CUBN: variants seen among roughly 807,000 people sequenced by gnomAD.
CUBN encodes cubilin, also known as 460 kDa receptor.
In CUBN, 282 loss-of-function variants were observed where a neutral mutation model predicts 405.3. The ratio of observed to expected loss-of-function variants is 0.70; its 90% confidence interval spans 0.63 to 0.77. CUBN has a LOEUF of 0.77. Among genes scored for constraint, CUBN ranks in the 30% least tolerant of loss-of-function variants. The pLI is 0.00. For missense variants in CUBN, 4,514 were observed against 4,475.2 expected (o/e 1.01, Z -0.25); for synonymous variants, 1,684 against 1,617.0 (o/e 1.04, Z -0.99).
chr10:16,900,992 T>A, intron 52 of CUBN, 142 bp from the exon 53 acceptor site: 1 of 724,404 alleles, frequency 1.4e-6, no homozygotes, highest in Non-Finnish European at 2.3e-6. Flanking sequence ...TCCCCTCTAC[T>A]TTTTTTTCCT....
chr10:16,993,247 TAAG>T (rs2131722889), intron 28 of CUBN, among the ~76,000 whole-genome samples: 1 of 152,344 alleles, frequency 6.6e-6, no homozygotes, highest in South Asian at 2.1e-4. Flanking sequence ...ATATAAAAGA[TAAG>T]AAGGAAATGA....
At position 16,947,354 on chromosome 10, in the gene CUBN, C is replaced by T. The variant is rs375723034; in HGVS notation, c.5223G>A (p.Thr1741=). 7.2e-5 allele frequency: 117 copies of T among 1,613,966 alleles called. 1 individual carries two copies. Among genetic ancestry groups the T allele is most frequent in the South Asian group, 4.0e-4 (36 of 91,072 alleles). ...VTASVSACGG[T]FYMAEGIFNS... ...TGAAGATGCCTTCAGCCATGTAGAACGTTCCACCACAAGCTGGAAGAAAAT... is the reference window on the plus strand; with the variant it reads ...TGAAGATGCCTTCAGCCATGTAGAATGTTCCACCACAAGCTGGAAGAAAAT... Residue 1741 remains threonine (T), a synonymous_variant, in exon 36 of 67, where the codon ACG becomes ACA. Coordinates refer to ENST00000377833, the MANE Select transcript of CUBN (RefSeq NM_001081.4).
intron 36 of CUBN, among the ~76,000 whole-genome samples, chr10:16,941,135 A>G (rs1395908327): frequency 6.6e-6 from 1 of 152,210 alleles, no homozygotes; most frequent in East Asian, 1.9e-4. Flanking sequence ...TACTCAAGAT[A>G]AAGTGGTATT....
intron 13 of CUBN, among the ~76,000 whole-genome samples, chr10:17,102,270 T>TATTTATTG (rs1836511419): frequency 6.8e-6 from 1 of 147,386 alleles, no homozygotes; most frequent in Non-Finnish European, 1.5e-5. Context: ...TTTATTTATT[T>TATTTATTG]ATTTATTTAT....
At chr10:16,936,624 C>G (rs990636265) in intron 39 of CUBN, among the ~76,000 whole-genome samples, 1 of 152,192 alleles carries the variant, frequency 6.6e-6, no homozygotes, top group Non-Finnish European at 1.5e-5. Flanking sequence ...CATTCAAGGA[C>G]TTAGAATATC....
At chr10:17,079,590 C>G (rs1835925998) in intron 17 of CUBN, among the ~76,000 whole-genome samples, 1 of 152,078 alleles carries the variant, frequency 6.6e-6, no homozygotes, top group Non-Finnish European at 1.5e-5. Flanking sequence ...CCTACCCTCT[C>G]TAGAAAGATA....
chr10:17,088,409 A>G (rs1156746286), intron 14 of CUBN, 64 bp from the exon 15 acceptor site: 10 of 1,430,604 alleles, frequency 7.0e-6, no homozygotes, highest in Non-Finnish European at 9.8e-6. Context: ...GAGAATGATC[A>G]GAGCCCTTGG....
chr10:16,851,130 C>T, intron 60 of CUBN, 105 bp downstream of exon 60: 1 of 899,886 alleles, frequency 1.1e-6, no homozygotes, highest in Non-Finnish European at 1.8e-6. Context: ...AGCAGTAGCA[C>T]CTGTACTCAA....
chr10:17,115,730 A>C (rs563274065), intron 6 of CUBN, 133 bp from the exon 7 acceptor site: 633 of 1,091,302 alleles, frequency 5.8e-4, no homozygotes, highest in Non-Finnish European at 7.7e-4. Context: ...CAGCAATGCA[A>C]ATTTACTGAC....
At chr10:17,063,914 T>C (rs564658320) in intron 22 of CUBN, among the ~76,000 whole-genome samples, 1 of 151,954 alleles carries the variant, frequency 6.6e-6, no homozygotes, top group Non-Finnish European at 1.5e-5. Flanking sequence ...GCCTAGAGAG[T>C]TCAAGTGACT....
At chr10:17,089,321 A>G (rs1836198682) in intron 14 of CUBN, among the ~76,000 whole-genome samples, 1 of 152,236 alleles carries the variant, frequency 6.6e-6, no homozygotes, top group African/African-American at 2.4e-5. Flanking sequence ...AAAAGTTACC[A>G]GTTTTAAATG....
At chr10:16,874,555 G>A (rs753776358) in intron 57 of CUBN, 52 bp from the exon 58 acceptor site, 20 of 1,608,386 alleles carry the variant, frequency 1.2e-5, no homozygotes, top group Non-Finnish European at 1.7e-5. Flanking sequence ...GTCCCAGCAT[G>A]GAAAAATGAT....
intron 14 of CUBN, among the ~76,000 whole-genome samples, chr10:17,099,470 G>GT (rs1186830453): frequency 6.6e-6 from 1 of 152,130 alleles, no homozygotes; most frequent in Non-Finnish European, 1.5e-5. Flanking sequence ...TAAGACTCAT[G>GT]TTTTTTAATC....
intron 14 of CUBN, among the ~76,000 whole-genome samples, chr10:17,093,627 G>A (rs78824511): frequency 0.042 from 6,403 of 151,812 alleles, 226 homozygotes; most frequent in South Asian, 0.2. Flanking sequence ...AACATATCAC[G>A]TATAATGTCC....
chr10:16,863,807 T>A (rs1840085001), intron 59 of CUBN, among the ~76,000 whole-genome samples: 2 of 152,224 alleles, frequency 1.3e-5, no homozygotes, highest in South Asian at 4.1e-4. Flanking sequence ...TGTTTCCTTC[T>A]TTTTTATCCC....
At chr10:17,115,627 G>A (rs1836875624) in intron 6 of CUBN, 30 bp from the exon 7 acceptor site, 1 of 1,613,710 alleles carries the variant, frequency 6.2e-7, no homozygotes, top group Non-Finnish European at 8.5e-7. Flanking sequence ...ACAATGTCAG[G>A]GCACGCGCTT....
intron 48 of CUBN, among the ~76,000 whole-genome samples, chr10:16,912,883 T>C (rs188385570): frequency 1.3e-5 from 2 of 152,170 alleles, no homozygotes; most frequent in African/African-American, 4.8e-5. Flanking sequence ...AGCAACATGA[T>C]CCGATTGAGG....
chr10:16,954,181 C>T (rs956911411), intron 32 of CUBN, among the ~76,000 whole-genome samples: 8 of 152,114 alleles, frequency 5.3e-5, no homozygotes, highest in African/African-American at 1.4e-4. Context: ...GTTAGAGATG[C>T]GGGTCCAAAG....
intron 23 of CUBN, among the ~76,000 whole-genome samples, chr10:17,047,027 T>G (rs75423653): frequency 0.037 from 5,709 of 152,284 alleles, 232 homozygotes; most frequent in South Asian, 0.22. Context: ...TATCCTGCCA[T>G]CATTTTATAA....
Sources: allele counts gnomAD v4.1 joint callset (sites outside exome capture counted in the v4.1 genomes callset), GRCh38; gene constraint gnomAD v4.1.1; transcripts MANE v1.5; gene names NCBI Gene and HGNC (gene_info 2026-07-23, HGNC 2026-07-21).